Variants in SPATS2 observed in about 807,000 individuals in gnomAD.
The protein encoded by SPATS2 is spermatogenesis-associated serine-rich protein 2.
SPATS2 carries 38 observed loss-of-function variants against 63.7 expected under a neutral mutation model. The observed-to-expected ratio is 0.60, with a 90% CI of 0.46 to 0.78. The LOEUF (loss-of-function observed/expected upper bound fraction) is 0.78. SPATS2 is among the 30% of genes least tolerant of loss of function. The probability of loss-of-function intolerance (pLI) is 0.00; values close to 1 mark genes in which losing one functional copy is unlikely to be tolerated. For synonymous variants in SPATS2, 207 were observed against 232.9 expected (o/e 0.89, Z 1.01); for missense variants, 588 against 666.2 (o/e 0.88, Z 1.29).
At chr12:49,367,225 G>A, upstream of SPATS2, 1 of 234,466 alleles carries the variant, frequency 4.3e-6, no homozygotes, top group South Asian at 1.8e-4. Context: ...ACAGCCTCGA[G>A]CTTGGCGCGC....
At chr12:49,466,352 A>G (rs917166667) in intron 3 of SPATS2, among the ~76,000 whole-genome samples, 5 of 152,024 alleles carry the variant, frequency 3.3e-5, no homozygotes, top group Non-Finnish European at 5.9e-5. Flanking sequence ...TAGTAGAGAC[A>G]GGGTTTCACC....
Position 49,525,949 on chromosome 12 carries a change from G to T in SPATS2, c.1332G>T (p.Leu444Phe). Reference sequence around the variant, plus strand: ...TTGTATTCTTTCATCTTTAGGTATTGCCAGGGAACAGACGAGGAGGACAGG... The same window carrying T: ...TTGTATTCTTTCATCTTTAGGTATTTCCAGGGAACAGACGAGGAGGACAGG... ...GQPYQPLREV[L>F]PGNRRGGQGY... The change falls in exon 14 of 14, where the codon TTG becomes TTT. Residue 444 changes from leucine to phenylalanine, a missense_variant. Transcript: ENST00000552918. 3.7e-6 allele frequency: 6 copies of T among 1,613,150 alleles called. No individual in the cohort carries two copies. Among genetic ancestry groups the T allele is most frequent in the Non-Finnish European group, 5.1e-6 (6 of 1,179,340 alleles).
chr12:49,388,548 T>A (rs184571766), intron 2 of SPATS2, among the ~76,000 whole-genome samples: 334 of 151,878 alleles, frequency 2.2e-3, no homozygotes, highest in Non-Finnish European at 3.8e-3. Context: ...TAATTTTTTT[T>A]ATTTTTTTAT....
chr12:49,471,112 T>C (rs940840570), intron 3 of SPATS2, among the ~76,000 whole-genome samples: 1 of 152,162 alleles, frequency 6.6e-6, no homozygotes, highest in Non-Finnish European at 1.5e-5. Context: ...CCTCTTCCTT[T>C]CCTGTAAAAT....
At chr12:49,465,230 G>A (rs1383713161) in intron 3 of SPATS2, among the ~76,000 whole-genome samples, 1 of 152,162 alleles carries the variant, frequency 6.6e-6, no homozygotes, top group Non-Finnish European at 1.5e-5. Context: ...GAGGTACTTA[G>A]GAGTGGACTT....
chr12:49,503,530 T>C (rs1307727430), intron 9 of SPATS2, among the ~76,000 whole-genome samples: 2 of 150,434 alleles, frequency 1.3e-5, no homozygotes, highest in Non-Finnish European at 2.9e-5. Flanking sequence ...GCGCCTGTAG[T>C]CCCAGCTACT....
chr12:49,380,268 C>G (rs1303639888), intron 2 of SPATS2, among the ~76,000 whole-genome samples: 1 of 151,344 alleles, frequency 6.6e-6, no homozygotes, highest in East Asian at 1.9e-4. Flanking sequence ...AAGTGAACCT[C>G]CCACATCAGC....
intron 2 of SPATS2, among the ~76,000 whole-genome samples, chr12:49,383,013 T>TTTA (rs1255481645): frequency 1.1e-4 from 17 of 151,314 alleles, no homozygotes; most frequent in South Asian, 4.2e-4. Flanking sequence ...CCTTTTAAAT[T>TTTA]TTATTATTAT....
At chr12:49,450,883 T>C (rs1945610990) in intron 2 of SPATS2, among the ~76,000 whole-genome samples, 1 of 151,746 alleles carries the variant, frequency 6.6e-6, no homozygotes, top group Non-Finnish European at 1.5e-5. Context: ...GTTTTTTTTT[T>C]CTTGAGATGA....
rs753700443 is a variant in SPATS2, at chr12:49,497,023, C to T, written c.703+14C>T. On this transcript the variant is annotated intron_variant, in intron 8 of 13. Transcript: ENST00000552918. ...GTAAAAAGCTAAGTAAGTCAGAGGCCCACCTGTGAGAGAAAATGAAAAATC... is the reference window on the plus strand; with the variant it reads ...GTAAAAAGCTAAGTAAGTCAGAGGCTCACCTGTGAGAGAAAATGAAAAATC... 6.6e-7 allele frequency: 1 copy of T among 1,504,946 alleles called. No individual in the cohort carries two copies. The highest frequency in any genetic ancestry group is 8.9e-7 in the Non-Finnish European group (1 of 1,129,736). 93.2% of individuals were successfully genotyped at this position (1,504,946 alleles called of 1,614,324 possible).
chr12:49,373,666 C>T (rs1275509118), intron 2 of SPATS2, among the ~76,000 whole-genome samples: 3 of 151,922 alleles, frequency 2.0e-5, no homozygotes, highest in African/African-American at 7.3e-5. Flanking sequence ...GTGGCTCAAG[C>T]CTGTAATCCC....
intron 10 of SPATS2, among the ~76,000 whole-genome samples, chr12:49,515,113 G>T (rs528378159): frequency 1.1e-4 from 16 of 152,276 alleles, no homozygotes; most frequent in Middle Eastern, 6.8e-3. Context: ...GAGAATTGAG[G>T]GTTCAAGATA....
intron 9 of SPATS2, among the ~76,000 whole-genome samples, chr12:49,507,564 C>T (rs193295944): frequency 2.0e-5 from 3 of 152,256 alleles, no homozygotes; most frequent in African/African-American, 7.2e-5. Flanking sequence ...TAATTATAAT[C>T]GTTTTATTAG....
chr12:49,430,099 G>GT (rs536889902), intron 2 of SPATS2, among the ~76,000 whole-genome samples: 5,163 of 98,408 alleles, frequency 0.052, 337 homozygotes, highest in Admixed American at 0.14. Context: ...CATATTTCTT[G>GT]TTTTTTTTTT....
intron 3 of SPATS2, among the ~76,000 whole-genome samples, chr12:49,480,263 T>C (rs1406266082): frequency 2.0e-5 from 3 of 152,216 alleles, no homozygotes; most frequent in African/African-American, 7.2e-5. Context: ...AATCTGCTCA[T>C]GGATAATTGT....
At chr12:49,416,613 A>G (rs963968381) in intron 2 of SPATS2, among the ~76,000 whole-genome samples, 3 of 151,868 alleles carry the variant, frequency 2.0e-5, no homozygotes, top group Admixed American at 6.6e-5. Flanking sequence ...TCAGCCTCCC[A>G]CTGGGATTAC....
rs562890481 is a variant in SPATS2, at chr12:49,490,394, T to G, written c.215-288T>G. 34 of 348,440 alleles carry G rather than the reference T, an allele frequency of 9.8e-5. No homozygotes were observed. In the Admixed American group the frequency reaches 1.4e-3, roughly 14 times the overall value. The allele number at this position is 348,440 out of a possible 1,614,324, so 21.6% of individuals were successfully genotyped here. On this transcript the variant is annotated intron_variant, in intron 5 of 13. Transcript: ENST00000552918. The stretch of plus-strand genomic sequence containing the variant: ...CATCCCCTTTGTATTTGGTCTAAGA[T>G]GTATGGATAAGAGAATCTTCAAAAT...
At chr12:49,385,945 C>T (rs1415843131) in intron 2 of SPATS2, among the ~76,000 whole-genome samples, 3 of 148,826 alleles carry the variant, frequency 2.0e-5, no homozygotes, top group Non-Finnish European at 3.0e-5. Context: ...CTTACTGCAA[C>T]CTCTGCCTCC....
chr12:49,489,863 T>C (rs547290851), intron 5 of SPATS2, among the ~76,000 whole-genome samples: 2 of 152,272 alleles, frequency 1.3e-5, no homozygotes, highest in South Asian at 4.1e-4. Flanking sequence ...TGGACTTGGG[T>C]TGAATAAGAA....
Sources: allele counts gnomAD v4.1 joint callset (sites outside exome capture counted in the v4.1 genomes callset), GRCh38; gene constraint gnomAD v4.1.1; transcripts MANE v1.5; gene names NCBI Gene and HGNC (gene_info 2026-07-23, HGNC 2026-07-21).